Variants in LARGE1 observed in about 807,000 individuals in gnomAD.
LARGE1 encodes the protein xylosyl- and glucuronyltransferase LARGE1.
Under a neutral mutation model 87.6 loss-of-function variants are expected in LARGE1, and 43 were observed. That is an observed-to-expected ratio of 0.49 (90% CI 0.38 to 0.63). LARGE1 has a LOEUF of 0.63. Among genes scored for constraint, LARGE1 ranks in the 30% least tolerant of loss-of-function variants. LARGE1 has a pLI of 0.00. For synonymous variants in LARGE1, 434 were observed against 394.6 expected (o/e 1.10, Z -1.18); for missense variants, 802 against 1,000.2 (o/e 0.80, Z 2.67).
the LARGE1 span, among the ~76,000 whole-genome samples, chr22:33,130,966 G>A: frequency 1.4e-5 from 2 of 147,744 alleles, no homozygotes; most frequent in East Asian, 2.1e-4. Context: ...CCCGGGAGGC[G>A]GAGCTTGCAG....
chr22:33,761,439 G>C lies in LARGE1; in HGVS notation c.38C>G (p.Ala13Gly). ...GATGCAGAGAAGACTCAACGAGGCA[G>C]CCAAGAATTTCCGTCTCCCCCTGCA... ...GICRGRRKFL[A>G]ASLSLLCIPA... Residue 13 changes from alanine to glycine, a missense_variant, in exon 2 of 15, where the codon GCT becomes GGT. Around this residue, in one of 2 missense-constraint regions of LARGE1, gnomAD observed 177 missense variants for 158.3 expected, o/e 1.12. Coordinates refer to ENST00000397394, the MANE Select transcript of LARGE1 (RefSeq NM_133642.5). 6.2e-7 allele frequency: 1 copy of C among 1,614,042 alleles called. No homozygotes were observed. The highest frequency in any genetic ancestry group is 1.1e-5 in the South Asian group (1 of 91,080).
Position 33,816,674 on chromosome 22 carries a change from G to GGATAGATAGATAGATA in LARGE1, c.-82-55132_-82-55117dup, listed in dbSNP as rs1556115447. On this transcript the variant is annotated intron_variant, in intron 1 of 14. Coordinates refer to ENST00000397394, the MANE Select transcript of LARGE1 (RefSeq NM_133642.5). The stretch of plus-strand genomic sequence containing the variant: ...CAGACAGACGGATGCACGGATGGAT[G>GGATAGATAGATAGATA]GATAGATAGATAGATAGACAGACAG... Among the ~76,000 whole-genome samples the GGATAGATAGATAGATA allele has an allele frequency of 4.2e-3, 594 of 141,368 alleles. 3 individuals are homozygous for GGATAGATAGATAGATA. The highest frequency in any genetic ancestry group is 0.015 in the African/African-American group (553 of 37,504). The allele number at this position is 141,368 out of a possible 152,430, so 92.7% of individuals were successfully genotyped here. A position where few individuals can be genotyped will look rare whatever the true frequency, so the allele number is the denominator to read the frequency against.
Position 33,253,522 on chromosome 22 carries a change from G to C in LARGE1, c.1730+50707C>G, listed in dbSNP as rs546483225. 4.6e-5 allele frequency among the ~76,000 whole-genome samples: 7 copies of C among 152,296 alleles called. No individual in the cohort carries two copies. In the South Asian group the frequency reaches 1.5e-3, roughly 32 times the overall value. On this transcript the variant is annotated intron_variant, in intron 11 of 11. Coordinates refer to the LARGE1 transcript ENST00000608642. ...AGGTCAGGAGTTTGAGACCAGCCTG[G>C]CCAACATGGTGAAACCCTGTCTCTA...
At chr22:33,553,925 C>G (rs1461535340) in intron 6 of LARGE1, among the ~76,000 whole-genome samples, 1 of 152,130 alleles carries the variant, frequency 6.6e-6, no homozygotes, top group East Asian at 1.9e-4. Flanking sequence ...AAGAAAGACC[C>G]ACAACTGATA....
At chr22:33,556,534 G>GGGAA (rs1259186604) in intron 6 of LARGE1, among the ~76,000 whole-genome samples, 1 of 71,936 alleles carries the variant, frequency 1.4e-5, no homozygotes, top group East Asian at 4.7e-4. Context: ...GAGGGAGGGA[G>GGGAA]GGAAGGAGGG....
chr22:33,321,481 C>A (rs1317750819), intron 10 of LARGE1, among the ~76,000 whole-genome samples: 1 of 152,226 alleles, frequency 6.6e-6, no homozygotes, highest in Admixed American at 6.5e-5. Context: ...AACTCCCTCA[C>A]CCACACTGCA....
At chr22:33,534,094 G>A (rs986323339) in intron 6 of LARGE1, among the ~76,000 whole-genome samples, 9 of 152,186 alleles carry the variant, frequency 5.9e-5, no homozygotes, top group Non-Finnish European at 1.2e-4. Context: ...CTTCTTGACT[G>A]CAGGCCTTCA....
At chr22:33,887,956 G>C (rs2064901319) in intron 1 of LARGE1, among the ~76,000 whole-genome samples, 1 of 152,194 alleles carries the variant, frequency 6.6e-6, no homozygotes, top group Non-Finnish European at 1.5e-5. Flanking sequence ...CCACTTCCCA[G>C]AAGGAATATG....
chr22:33,589,520 A>T (rs2078776085), intron 5 of LARGE1, among the ~76,000 whole-genome samples: 1 of 152,148 alleles, frequency 6.6e-6, no homozygotes, highest in South Asian at 2.1e-4. Flanking sequence ...AATTTAAATT[A>T]ATGAAAATTA....
chr22:33,598,724 T>C (rs776110691), intron 5 of LARGE1, among the ~76,000 whole-genome samples: 2 of 152,250 alleles, frequency 1.3e-5, no homozygotes, highest in African/African-American at 4.8e-5. Context: ...AAAGGCTGCA[T>C]AGTATTCCAT....
At chr22:33,178,187 CA>C (rs1234757328) in intron 11 of LARGE1, among the ~76,000 whole-genome samples, 2 of 152,098 alleles carry the variant, frequency 1.3e-5, no homozygotes, top group Non-Finnish European at 2.9e-5. Context: ...CTAGGATCAC[CA>C]GGGCCAAATG....
At chr22:33,654,420 G>T (rs548283821) in intron 2 of LARGE1, among the ~76,000 whole-genome samples, 6 of 152,330 alleles carry the variant, frequency 3.9e-5, no homozygotes, top group African/African-American at 1.4e-4. Context: ...CTAACTCTCC[G>T]TAGCTGTGTG....
chr22:33,516,041 T>C (rs1453847229), intron 6 of LARGE1, among the ~76,000 whole-genome samples: 2 of 152,276 alleles, frequency 1.3e-5, no homozygotes, highest in East Asian at 1.9e-4. Context: ...CAATCAATGA[T>C]AGACAGATAA....
chr22:33,302,688 G>C (rs1229926716), intron 12 of LARGE1, among the ~76,000 whole-genome samples: 1 of 152,310 alleles, frequency 6.6e-6, no homozygotes, highest in African/African-American at 2.4e-5. Flanking sequence ...GGGAGAGCAA[G>C]AGAACGAGAG....
chr22:33,744,086 C>T (rs912824595), intron 2 of LARGE1: 9 of 152,116 alleles, frequency 5.9e-5, no homozygotes, highest in African/African-American at 1.9e-4. Context: ...AACTATGTGC[C>T]GCAACAGATT....
chr22:33,626,863 C>A (rs1018751198), intron 3 of LARGE1, among the ~76,000 whole-genome samples: 1 of 152,160 alleles, frequency 6.6e-6, no homozygotes, highest in East Asian at 1.9e-4. Flanking sequence ...TGAAGGGAAC[C>A]CAAGGGGTCA....
At chr22:33,220,157 A>G (rs1925388704) in intron 11 of LARGE1, among the ~76,000 whole-genome samples, 1 of 152,156 alleles carries the variant, frequency 6.6e-6, no homozygotes, top group Non-Finnish European at 1.5e-5. Flanking sequence ...GAGGACAAAG[A>G]AAGGTCACCT....
At chr22:33,721,338 G>A (rs2083090366) in intron 2 of LARGE1, among the ~76,000 whole-genome samples, 1 of 152,152 alleles carries the variant, frequency 6.6e-6, no homozygotes, top group African/African-American at 2.4e-5. Context: ...CATAGAATAT[G>A]GGCAAAAATT....
chr22:33,884,808 G>A (rs893837336), intron 1 of LARGE1, among the ~76,000 whole-genome samples: 2 of 152,142 alleles, frequency 1.3e-5, no homozygotes, highest in Admixed American at 6.5e-5. Context: ...TTTCCTGATG[G>A]CACAAATCAA....
Sources: allele counts gnomAD v4.1 joint callset (sites outside exome capture counted in the v4.1 genomes callset), GRCh38; gene constraint gnomAD v4.1.1; regional missense constraint gnomAD v4.1.1; transcripts MANE v1.5; gene names NCBI Gene and HGNC (gene_info 2026-07-23, HGNC 2026-07-21).